Variants in RALB observed in about 807,000 individuals in gnomAD.
The protein encoded by RALB is ras-related protein Ral-B.
Under a neutral mutation model 21.3 loss-of-function variants are expected in RALB, and 16 were observed. That is an observed-to-expected ratio of 0.75 (90% confidence interval 0.51 to 1.14). The LOEUF is 1.14. Ranked by LOEUF, RALB falls within the 50% of genes most tolerant of loss-of-function variation. The probability of loss-of-function intolerance (pLI) is 0.00; values close to 1 mark genes in which losing one functional copy is unlikely to be tolerated. For missense variants in RALB, 161 were observed against 256.2 expected (o/e 0.63, Z 2.54); for synonymous variants, 93 against 96.1 (o/e 0.97, Z 0.19).
chr2:120,253,707 G>A, intron 1 of RALB: 3 of 985,516 alleles, frequency 3.0e-6, no homozygotes, highest in Non-Finnish European at 3.6e-6. Flanking sequence ...AACGAGAAAC[G>A]TTGGAACTTT....
chr2:120,249,733 G>C (rs1031349338), upstream of RALB, among the ~76,000 whole-genome samples: 10 of 152,286 alleles, frequency 6.6e-5, no homozygotes, highest in Non-Finnish European at 1.2e-4. Flanking sequence ...ATTTGGAGGG[G>C]ACACACATCC....
Position 120,278,755 on chromosome 2 carries a change from ACGCTT to A in RALB, c.93_97del (p.Leu32ValfsTer4). ...CGGAGGCGTTGGCAAGTCAGCCCTG[ACGCTT>A]CAGTTCATGTATGACGAGGTAAGCC... On this transcript the variant is annotated frameshift_variant, in exon 2 of 5. Transcript: ENST00000272519. LOFTEE classifies it high-confidence loss of function. 6.3e-7 allele frequency: 1 copy of A among 1,584,654 alleles called. No individual in the cohort carries two copies. Among genetic ancestry groups the A allele is most frequent in the South Asian group, 1.2e-5 (1 of 86,918 alleles).
intron 1 of RALB, among the ~76,000 whole-genome samples, chr2:120,265,280 C>T (rs1270210542): frequency 6.6e-6 from 1 of 152,346 alleles, no homozygotes; most frequent in South Asian, 2.1e-4. Context: ...CGTCATGTTA[C>T]TGTACCGAAT....
upstream of RALB, chr2:120,252,660 C>G (rs1374043129): frequency 2.2e-6 from 1 of 461,118 alleles, no homozygotes; most frequent in Non-Finnish European, 2.9e-6. Context: ...GGCCCGCCCC[C>G]CCGTGCCTGG....
intron 1 of RALB, among the ~76,000 whole-genome samples, chr2:120,268,386 AAATT>A (rs1689558434): frequency 6.6e-6 from 1 of 152,216 alleles, no homozygotes; most frequent in Non-Finnish European, 1.5e-5. Context: ...TTTGTGGTAT[AAATT>A]AATTTACCTT....
chr2:120,280,550 G>T (rs374668773), intron 2 of RALB, among the ~76,000 whole-genome samples: 1 of 151,638 alleles, frequency 6.6e-6, no homozygotes, highest in Non-Finnish European at 1.5e-5. Flanking sequence ...GGGCCTTTTG[G>T]GGGGCGGGGG....
At chr2:120,258,814 C>T (rs944359905) in intron 1 of RALB, among the ~76,000 whole-genome samples, 8 of 152,306 alleles carry the variant, frequency 5.3e-5, no homozygotes, top group African/African-American at 1.4e-4. Flanking sequence ...CTAGCGTGTC[C>T]GGAATTGGTG....
intron 1 of RALB, chr2:120,253,574 C>T (rs1034342534): frequency 3.0e-6 from 3 of 985,432 alleles, no homozygotes; most frequent in African/African-American, 3.5e-5. Context: ...TGGGCATCGC[C>T]GTCCCGGTTC....
upstream of RALB, chr2:120,252,819 C>T (rs937777579): frequency 2.1e-5 from 21 of 985,644 alleles, no homozygotes; most frequent in South Asian, 4.7e-5. Flanking sequence ...GAGGGGTTGC[C>T]TAGGCGACGC....
At chr2:120,246,688 T>C (rs1688976116) in intron 1 of RALB, among the ~76,000 whole-genome samples, 1 of 152,162 alleles carries the variant, frequency 6.6e-6, no homozygotes, top group Non-Finnish European at 1.5e-5. Context: ...GCATGTAGGA[T>C]AGGTGGGCTG....
intron 4 of RALB, among the ~76,000 whole-genome samples, chr2:120,292,382 G>A (rs537729750): frequency 6.6e-6 from 1 of 152,284 alleles, no homozygotes; most frequent in East Asian, 1.9e-4. Context: ...TCCCCAGGGT[G>A]GCTGTTGTGG....
intron 1 of RALB, among the ~76,000 whole-genome samples, chr2:120,267,182 G>A (rs1689525443): frequency 6.6e-6 from 1 of 152,152 alleles, no homozygotes; most frequent in African/African-American, 2.4e-5. Context: ...AACTTCATTT[G>A]TTTTTGTTAA....
intron 1 of RALB, among the ~76,000 whole-genome samples, chr2:120,246,663 G>A (rs1282183139): frequency 2.0e-5 from 3 of 152,260 alleles, no homozygotes; most frequent in Non-Finnish European, 2.9e-5. Context: ...ACCTGGATCC[G>A]CCTGGGTGCG....
At chr2:120,285,141 A>G (rs1319427489) in intron 2 of RALB, among the ~76,000 whole-genome samples, 1 of 152,172 alleles carries the variant, frequency 6.6e-6, no homozygotes, top group African/African-American at 2.4e-5. Flanking sequence ...TCATGGCAGA[A>G]GGGGGAGCAA....
chr2:120,282,556 TG>T (rs1180273712), intron 2 of RALB, among the ~76,000 whole-genome samples: 2 of 80,488 alleles, frequency 2.5e-5, no homozygotes, highest in Non-Finnish European at 4.6e-5. Flanking sequence ...GGTGTGTGTG[TG>T]TTGGGGAGGG....
intron 1 of RALB, among the ~76,000 whole-genome samples, chr2:120,243,000 T>C (rs1384940826): frequency 1.3e-5 from 2 of 152,156 alleles, no homozygotes; most frequent in Non-Finnish European, 2.9e-5. Flanking sequence ...GCCCTTGGCA[T>C]TGTATTATGT....
intron 1 of RALB, among the ~76,000 whole-genome samples, chr2:120,273,851 A>T (rs995521530): frequency 2.6e-5 from 4 of 152,176 alleles, no homozygotes; most frequent in African/African-American, 9.7e-5. Context: ...TCTTTCCCTT[A>T]ATTATGCCAA....
chr2:120,246,649 A>G, intron 1 of RALB, among the ~76,000 whole-genome samples: 1 of 152,260 alleles, frequency 6.6e-6, no homozygotes, highest in South Asian at 2.1e-4. Context: ...CCCCTGGGCC[A>G]AGGACCTGGA....
chr2:120,274,996 C>T (rs1186616733), intron 1 of RALB, among the ~76,000 whole-genome samples: 2 of 152,192 alleles, frequency 1.3e-5, no homozygotes, highest in Non-Finnish European at 1.5e-5. Flanking sequence ...AGAGAGGTTT[C>T]GTTTAGCATT....
Sources: gnomAD v4.1 joint callset for allele counts (sites outside exome capture counted in the v4.1 genomes callset) on GRCh38, gnomAD v4.1.1 for gene constraint, MANE v1.5 for transcripts, NCBI Gene and HGNC (gene_info 2026-07-23, HGNC 2026-07-21) for gene names.